The following CEMIP variants were observed in gnomAD, a reference collection of about 807,000 sequenced individuals.
CEMIP encodes cell migration inducing hyaluronidase 1.
CEMIP carries 105 observed loss-of-function variants against 156.9 expected under a neutral mutation model. The ratio of observed to expected loss-of-function variants is 0.67; its 90% confidence interval spans 0.57 to 0.79. The LOEUF (loss-of-function observed/expected upper bound fraction) is 0.79, where lower values mean the gene tolerates loss of function less well. Ranked by LOEUF, CEMIP falls within the 30% of genes least tolerant of loss-of-function variation. CEMIP has a pLI of 0.00. For missense variants in CEMIP, 1,457 were observed against 1,769.4 expected (o/e 0.82, Z 3.17); for synonymous variants, 676 against 668.4 (o/e 1.01, Z -0.17).
chr15:80,856,468 A>G (rs1319725517), intron 1 of CEMIP, among the ~76,000 whole-genome samples: 1 of 152,196 alleles, frequency 6.6e-6, no homozygotes, highest in Non-Finnish European at 1.5e-5. Context: ...GTTGCACTGT[A>G]TTAGTGTTCA....
rs567181949 is a variant in CEMIP at position 80,781,283 on chromosome 15, A to G, written c.-176+1669A>G. ...TGATAGAATGGAGAAGAAATCAAAT[A>G]GAGCAAATTTATAGAGAAGGCAATC... On this transcript the variant is annotated intron_variant, in intron 1 of 29. Transcript: ENST00000394685. Among the ~76,000 whole-genome samples the G allele has an allele frequency of 2.6e-5, 4 of 152,390 alleles. No individual in the cohort carries two copies. The South Asian group carries it at 8.3e-4, about 32-fold the overall frequency.
chr15:80,833,751 C>G (rs186611913), intron 1 of CEMIP, among the ~76,000 whole-genome samples: 325 of 148,878 alleles, frequency 2.2e-3, no homozygotes, highest in African/African-American at 6.8e-3. Flanking sequence ...TCACTGCAAT[C>G]TCTGCCTCCC....
At chr15:80,799,347 C>T (rs1896316734) in intron 1 of CEMIP, among the ~76,000 whole-genome samples, 2 of 152,226 alleles carry the variant, frequency 1.3e-5, no homozygotes, top group South Asian at 4.1e-4. Context: ...GATGGCTCTT[C>T]CCTAGGGCCT....
intron 25 of CEMIP, among the ~76,000 whole-genome samples, chr15:80,938,792 C>A (rs1901233517): frequency 6.7e-6 from 1 of 150,180 alleles, no homozygotes; most frequent in Non-Finnish European, 1.5e-5. Context: ...TTGATCCCCT[C>A]TCTTAAAAAG....
chr15:80,872,378 C>T (rs1454495187), intron 1 of CEMIP, among the ~76,000 whole-genome samples: 1 of 152,216 alleles, frequency 6.6e-6, no homozygotes, highest in East Asian at 1.9e-4. Flanking sequence ...GACATCTCTC[C>T]AAGCGACATT....
At chr15:80,909,910 C>T (rs779387903) in intron 14 of CEMIP, 21 of 290,860 alleles carry the variant, frequency 7.2e-5, no homozygotes, top group African/African-American at 1.7e-4. Context: ...AATGGTACCC[C>T]GCAAGCTGAA....
Position 80,793,651 on chromosome 15 carries a change from G to A in CEMIP, c.-176+14037G>A, listed in dbSNP as rs1002709933. ...TTTGAGACAAACTGGGATAAACAAA[G>A]TTGACCTGTTTTCATTTTCCAAGAT... On this transcript the variant is annotated intron_variant, in intron 1 of 29. Coordinates refer to ENST00000394685, the MANE Select transcript of CEMIP (RefSeq NM_001293298.2). Among the ~76,000 whole-genome samples, 3 of 152,180 alleles carry A rather than the reference G, an allele frequency of 2.0e-5. No homozygotes were observed. In the East Asian group the frequency reaches 5.8e-4, roughly 29 times the overall value.
At chr15:80,807,870 T>A (rs1043322772) in intron 1 of CEMIP, among the ~76,000 whole-genome samples, 3 of 152,232 alleles carry the variant, frequency 2.0e-5, no homozygotes, top group African/African-American at 4.8e-5. Flanking sequence ...CTGGTGTTCG[T>A]AGGCACCTGT....
chr15:80,941,205 C>T (rs1020898477), intron 25 of CEMIP, among the ~76,000 whole-genome samples: 2 of 152,154 alleles, frequency 1.3e-5, no homozygotes, highest in African/African-American at 4.8e-5. Flanking sequence ...CCTATCTTCC[C>T]ATGTTTCAGA....
chr15:80,889,901 T>C (rs574240838), intron 10 of CEMIP, among the ~76,000 whole-genome samples: 5 of 152,322 alleles, frequency 3.3e-5, no homozygotes, highest in Admixed American at 3.3e-4. Flanking sequence ...CACTTCCCCG[T>C]CAATTTCCTT....
chr15:80,870,554 G>A (rs565402517), intron 1 of CEMIP, among the ~76,000 whole-genome samples: 7 of 152,228 alleles, frequency 4.6e-5, no homozygotes, highest in African/African-American at 1.2e-4. Flanking sequence ...CCTGGACTCC[G>A]GTGCGGCTGG....
intron 17 of CEMIP, 135 bp from the exon 18 acceptor site, chr15:80,924,486 A>G (rs1900584033): frequency 1.3e-5 from 10 of 764,676 alleles, no homozygotes; most frequent in East Asian, 1.1e-4. Flanking sequence ...TAGATCCTCT[A>G]CTTCTGTTGA....
Position 80,889,484 on chromosome 15 carries a change from G to A in CEMIP, c.978G>A (p.Thr326=), listed in dbSNP as rs534990017. 54 of 1,614,068 alleles carry A rather than the reference G, an allele frequency of 3.3e-5. 1 individual carries two copies. The Admixed American group carries it at 6.0e-4, about 18-fold the overall frequency. The change falls in exon 10 of 30, where the codon ACG becomes ACA. Residue 326 remains threonine, a synonymous_variant. Transcript: ENST00000394685. ...CTTTCTGCCTAGACGTGGAGTGGACGGAGTGGTTCGATCATGATAAAGTAT... is the reference window on the plus strand; with the variant it reads ...CTTTCTGCCTAGACGTGGAGTGGACAGAGTGGTTCGATCATGATAAAGTAT... ...SSEWVQDVEW[T]EWFDHDKVSQ...
chr15:80,832,045 T>A (rs1897168200), intron 1 of CEMIP, among the ~76,000 whole-genome samples: 1 of 152,214 alleles, frequency 6.6e-6, no homozygotes. Context: ...GTATCACCTG[T>A]TCTGGTCATA....
At chr15:80,874,151 TCA>T (rs1283754203) in intron 3 of CEMIP, among the ~76,000 whole-genome samples, 178 bp downstream of exon 3, 3 of 152,240 alleles carry the variant, frequency 2.0e-5, no homozygotes, top group African/African-American at 7.2e-5. Context: ...GTCCTGGGCT[TCA>T]GTTTCATCAT....
At chr15:80,861,359 T>A (rs1217699639) in intron 1 of CEMIP, among the ~76,000 whole-genome samples, 1 of 152,138 alleles carries the variant, frequency 6.6e-6, no homozygotes, top group African/African-American at 2.4e-5. Context: ...CAGGATAAAA[T>A]CCAGACTCCT....
intron 14 of CEMIP, among the ~76,000 whole-genome samples, chr15:80,911,340 G>A (rs1396003495): frequency 6.6e-6 from 1 of 152,218 alleles, no homozygotes; most frequent in Non-Finnish European, 1.5e-5. Flanking sequence ...AAGATAACAG[G>A]CTTCACTGAG....
intron 1 of CEMIP, among the ~76,000 whole-genome samples, chr15:80,814,141 C>T (rs1390478745): frequency 4.0e-5 from 6 of 148,508 alleles, no homozygotes; most frequent in East Asian, 2.0e-4. Flanking sequence ...CTCCACCTCT[C>T]GGGTTCACGC....
intron 1 of CEMIP, among the ~76,000 whole-genome samples, chr15:80,830,655 T>C (rs887877455): frequency 4.6e-5 from 7 of 152,220 alleles, no homozygotes; most frequent in African/African-American, 1.4e-4. Flanking sequence ...ATTTTATTTC[T>C]TTCATCTTGT....
Sources: gnomAD v4.1 joint callset for allele counts (sites outside exome capture counted in the v4.1 genomes callset) on GRCh38, gnomAD v4.1.1 for gene constraint, MANE v1.5 for transcripts, NCBI Gene and HGNC (gene_info 2026-07-23, HGNC 2026-07-21) for gene names.